Variants in TRIQK observed in about 807,000 individuals in gnomAD.
TRIQK encodes the protein triple QxxK/R motif containing.
TRIQK carries 10 observed loss-of-function variants against 10.8 expected under a neutral mutation model. That is an observed-to-expected ratio of 0.92 (90% CI 0.57 to 1.57). TRIQK has a LOEUF of 1.57. Ranked by LOEUF, TRIQK falls within the 40% of genes most tolerant of loss-of-function variation. The pLI, the probability that TRIQK is intolerant of heterozygous loss-of-function variation, is 0.00. For missense variants in TRIQK, 107 were observed against 97.7 expected (o/e 1.09, Z -0.40); for synonymous variants, 33 against 33.7 (o/e 0.98, Z 0.07).
chr8:92,996,244 C>CTTCCA (rs1354682359), intron 1 of TRIQK, among the ~76,000 whole-genome samples: 1 of 152,072 alleles, frequency 6.6e-6, no homozygotes, highest in East Asian at 1.9e-4. Context: ...TGGTGTAAGT[C>CTTCCA]TTCCATTCTG....
chr8:92,971,108 A>ATG (rs1812873107), upstream of TRIQK, among the ~76,000 whole-genome samples: 1 of 151,846 alleles, frequency 6.6e-6, no homozygotes, highest in African/African-American at 2.4e-5. Flanking sequence ...ATGGTTGTAG[A>ATG]TGTGTGGTCT....
In TRIQK at chr8:92,888,932, G is replaced by A. The variant is rs1437665767; in HGVS notation, c.148-2197C>T. Among the ~76,000 whole-genome samples, 15 of 151,542 alleles carry A rather than the reference G, an allele frequency of 9.9e-5. 1 individual carries two copies. The highest frequency in any genetic ancestry group is 8.6e-4 in the Admixed American group (13 of 15,140). ...CCGGTATTTGCATTCTGAAAAAAAA[G>A]TTGGTGATGCTGTAATTCTTGAAAA... is the stretch of plus-strand genomic sequence containing the variant. On this transcript the variant is annotated intron_variant, in intron 4 of 4. Transcript: ENST00000521988.
chr8:92,977,778 C>T (rs1375939603), intron 1 of TRIQK, among the ~76,000 whole-genome samples: 1 of 152,006 alleles, frequency 6.6e-6, no homozygotes, highest in Non-Finnish European at 1.5e-5. Flanking sequence ...TGTGTTCATA[C>T]AAATATTCTT....
intron 2 of TRIQK, among the ~76,000 whole-genome samples, chr8:92,937,585 T>G (rs1586458649): frequency 1.1e-4 from 1 of 9,016 alleles, no homozygotes; most frequent in Non-Finnish European, 2.0e-4. Flanking sequence ...TCTTCTTTGT[T>G]TTTTTTTTTT....
chr8:92,997,787 T>A (rs966623769), intron 1 of TRIQK, among the ~76,000 whole-genome samples: 1 of 152,034 alleles, frequency 6.6e-6, no homozygotes, highest in Non-Finnish European at 1.5e-5. Context: ...CCAGGGGAAC[T>A]GGATTTAGTT....
intron 1 of TRIQK, among the ~76,000 whole-genome samples, chr8:92,957,543 ATTAATT>A (rs1259365669): frequency 1.3e-5 from 2 of 151,946 alleles, no homozygotes; most frequent in Non-Finnish European, 2.9e-5. Context: ...AAACAAACGT[ATTAATT>A]TTAGTAGAAG....
At chr8:92,990,564 A>G (rs1233019132) in intron 1 of TRIQK, among the ~76,000 whole-genome samples, 1 of 152,056 alleles carries the variant, frequency 6.6e-6, no homozygotes, top group African/African-American at 2.4e-5. Flanking sequence ...GGCTCATCTC[A>G]TTGGAACTGG....
chr8:92,986,778 C>T (rs1813038137), intron 1 of TRIQK, among the ~76,000 whole-genome samples: 1 of 152,142 alleles, frequency 6.6e-6, no homozygotes, highest in Non-Finnish European at 1.5e-5. Flanking sequence ...TGCAATGATT[C>T]ATTCCCAAAT....
upstream of TRIQK, chr8:92,966,219 C>A (rs1301242374): frequency 1.3e-5 from 2 of 152,302 alleles, no homozygotes; most frequent in African/African-American, 4.8e-5. Flanking sequence ...CCCGTCTGTA[C>A]GCCGGTCCAG....
chr8:92,983,339 TA>T (rs1023338837), intron 1 of TRIQK, among the ~76,000 whole-genome samples: 2 of 151,968 alleles, frequency 1.3e-5, no homozygotes, highest in African/African-American at 2.4e-5. Context: ...TTAACTGCTA[TA>T]AAAAAACAAC....
intron 2 of TRIQK, among the ~76,000 whole-genome samples, chr8:92,921,963 CAT>C (rs1330091200): frequency 4.0e-5 from 6 of 151,758 alleles, no homozygotes; most frequent in Non-Finnish European, 8.9e-5. Flanking sequence ...AATTTTTATC[CAT>C]ATGTGACAAA....
intron 2 of TRIQK, among the ~76,000 whole-genome samples, chr8:92,919,608 A>G (rs1453725196): frequency 6.6e-6 from 1 of 150,856 alleles, no homozygotes; most frequent in Non-Finnish European, 1.5e-5. Context: ...CCTTTTTTTT[A>G]TTGTGTTCTT....
chr8:93,000,128 G>A (rs1813193688), intron 1 of TRIQK, among the ~76,000 whole-genome samples: 1 of 151,980 alleles, frequency 6.6e-6, no homozygotes, highest in Non-Finnish European at 1.5e-5. Flanking sequence ...TATGAAACAG[G>A]TAGTTAAAGC....
At position 92,960,695 on chromosome 8, in the gene TRIQK, A is replaced by G. The variant is rs889294702; in HGVS notation, c.-181+5312T>C. On this transcript the variant is annotated intron_variant, in intron 1 of 4. Coordinates refer to ENST00000521988, the MANE Select transcript of TRIQK (RefSeq NM_001171797.2). ...CGTTGGAAGAAGGAGGCCATAAGCC[A>G]AGGAATGTGAGCAGCCTCCAGAAAC... 1.3e-5 allele frequency: 2 copies of G among 152,256 alleles called. 1 individual carries two copies. Among genetic ancestry groups the G allele is most frequent in the Middle Eastern group, 6.3e-3 (2 of 316 alleles). 9.4% of individuals were successfully genotyped at this position (152,256 alleles called of 1,614,324 possible).
chr8:93,012,591 G>A (rs1813346234), intron 1 of TRIQK, among the ~76,000 whole-genome samples: 1 of 151,904 alleles, frequency 6.6e-6, no homozygotes, highest in Non-Finnish European at 1.5e-5. Context: ...TAATTTTAAA[G>A]CAAAATTTAG....
At chr8:92,975,411 A>G (rs529388405) in intron 1 of TRIQK, among the ~76,000 whole-genome samples, 1 of 152,298 alleles carries the variant, frequency 6.6e-6, no homozygotes, top group South Asian at 2.1e-4. Flanking sequence ...TTTAGTGACC[A>G]TTAGTAGTTT....
chr8:92,985,518 C>T (rs1563672850), intron 1 of TRIQK, among the ~76,000 whole-genome samples: 1 of 152,074 alleles, frequency 6.6e-6, no homozygotes, highest in Non-Finnish European at 1.5e-5. Flanking sequence ...AGTGTAGAGA[C>T]ATCAGAGGAG....
chr8:92,934,425 C>A (rs1021298429), intron 2 of TRIQK, among the ~76,000 whole-genome samples: 4 of 151,780 alleles, frequency 2.6e-5, no homozygotes, highest in African/African-American at 9.7e-5. Flanking sequence ...GCATATATAT[C>A]TTAAAACTAA....
chr8:92,950,354 AC>A (rs138741235), intron 2 of TRIQK, among the ~76,000 whole-genome samples: 3,985 of 152,250 alleles, frequency 0.026, 73 homozygotes, highest in Non-Finnish European at 0.041. Context: ...GTATTTACAT[AC>A]TTAGTGCATG....
Sources: allele counts gnomAD v4.1 joint callset (sites outside exome capture counted in the v4.1 genomes callset), GRCh38; gene constraint gnomAD v4.1.1; transcripts MANE v1.5; gene names NCBI Gene and HGNC (gene_info 2026-07-23, HGNC 2026-07-21).